The following SLC60A2 variants were observed in gnomAD, a reference collection of about 807,000 sequenced individuals.
SLC60A2 encodes solute carrier family 60 member 2.
At chr6:111,269,701 G>A in the SLC60A2 span, 1 of 152,152 alleles carries the variant, frequency 6.6e-6, no homozygotes, top group East Asian at 1.9e-4. Flanking sequence ...GAAGGATGAT[G>A]ATAAGAACAT....
the SLC60A2 span, among the ~76,000 whole-genome samples, chr6:111,275,613 T>G: frequency 2.0e-5 from 3 of 152,082 alleles, no homozygotes; most frequent in Admixed American, 2.0e-4. Flanking sequence ...TTTCACAATG[T>G]TGGTCAGGCT....
At chr6:111,264,536 T>A in the SLC60A2 span, among the ~76,000 whole-genome samples, 1 of 152,044 alleles carries the variant, frequency 6.6e-6, no homozygotes, top group East Asian at 1.9e-4. Context: ...ACACCTGTAA[T>A]CCAGCACTTT....
the SLC60A2 span, among the ~76,000 whole-genome samples, chr6:111,260,125 G>C: frequency 1.8e-4 from 28 of 152,184 alleles, no homozygotes; most frequent in Non-Finnish European, 3.8e-4. Flanking sequence ...TGGCCAGGCT[G>C]GTTTCAAACT....
At chr6:111,279,441 G>A in the SLC60A2 span, among the ~76,000 whole-genome samples, 1 of 151,674 alleles carries the variant, frequency 6.6e-6, no homozygotes, top group East Asian at 1.9e-4. Context: ...GTAGAGACGG[G>A]GTTTCACCAC....
chr6:111,274,616 CTG>C, the SLC60A2 span, among the ~76,000 whole-genome samples: 2 of 152,126 alleles, frequency 1.3e-5, no homozygotes, highest in South Asian at 4.1e-4. Context: ...ATGTTTATCA[CTG>C]TGATTTTGTG....
At chr6:111,276,797 C>T in the SLC60A2 span, among the ~76,000 whole-genome samples, 1 of 152,236 alleles carries the variant, frequency 6.6e-6, no homozygotes, top group Non-Finnish European at 1.5e-5. Flanking sequence ...TCTCTCACAG[C>T]AGTTCTGCCC....
the SLC60A2 span, chr6:111,262,404 A>G: frequency 6.2e-7 from 1 of 1,613,108 alleles, no homozygotes; most frequent in Admixed American, 1.7e-5. Flanking sequence ...TGTCGATGTC[A>G]TGAATTATTT....
the SLC60A2 span, chr6:111,267,459 G>C: frequency 5.4e-6 from 1 of 185,996 alleles, no homozygotes; most frequent in South Asian, 1.6e-4. Context: ...TGTAGGAGTT[G>C]AATTGATTGG....
chr6:111,266,823 A>C, the SLC60A2 span: 1 of 1,613,946 alleles, frequency 6.2e-7, no homozygotes, highest in African/African-American at 1.3e-5. Flanking sequence ...AGAAGACAGA[A>C]AGAGTGAGGA....
the SLC60A2 span, among the ~76,000 whole-genome samples, chr6:111,260,788 G>A: frequency 6.6e-6 from 1 of 152,172 alleles, no homozygotes. Context: ...TTGGTGAGTC[G>A]TCACTGACTT....
the SLC60A2 span, chr6:111,265,242 A>T: frequency 1.1e-6 from 1 of 948,938 alleles, no homozygotes; most frequent in Non-Finnish European, 1.3e-6. Flanking sequence ...GGGTAGAATT[A>T]TATATTTATC....
At chr6:111,259,911 C>CTTTTTTTT in the SLC60A2 span, among the ~76,000 whole-genome samples, 1 of 121,186 alleles carries the variant, frequency 8.3e-6, no homozygotes, top group African/African-American at 3.2e-5. Flanking sequence ...CTCCAGCAAG[C>CTTTTTTTT]TTTTTTTTTT....
At chr6:111,279,499 C>T in the SLC60A2 span, among the ~76,000 whole-genome samples, 1 of 152,020 alleles carries the variant, frequency 6.6e-6, no homozygotes, top group Non-Finnish European at 1.5e-5. Context: ...CCGCCCACCT[C>T]GGCCTCCCAA....
the SLC60A2 span, chr6:111,262,163 G>A: frequency 8.1e-6 from 8 of 987,714 alleles, no homozygotes; most frequent in African/African-American, 3.3e-5. Flanking sequence ...CAGACCCTCC[G>A]CCCCCCTTTT....
chr6:111,266,714 T>A, the SLC60A2 span: 1 of 1,614,234 alleles, frequency 6.2e-7, no homozygotes. Flanking sequence ...CTGATTTGCC[T>A]GTAGTTCTGT....
At chr6:111,269,591 C>T in the SLC60A2 span, 1 of 152,164 alleles carries the variant, frequency 6.6e-6, no homozygotes, top group African/African-American at 2.4e-5. Flanking sequence ...TTGTTGGAAT[C>T]TAGGCAGTAG....
chr6:111,272,586 AC>A, the SLC60A2 span, among the ~76,000 whole-genome samples: 1 of 145,764 alleles, frequency 6.9e-6, no homozygotes, highest in Admixed American at 7.2e-5. Context: ...ATCTCTGCTC[AC>A]TGCAACCTCT....
the SLC60A2 span, chr6:111,259,444 C>G: frequency 1.7e-5 from 7 of 414,188 alleles, no homozygotes; most frequent in Admixed American, 4.4e-5. Context: ...GAGGGACACC[C>G]GTGCCTGGGG....
chr6:111,259,648 T>G, the SLC60A2 span: 1 of 1,555,964 alleles, frequency 6.4e-7, no homozygotes, highest in Non-Finnish European at 8.7e-7. Flanking sequence ...GTGGTGGTGG[T>G]CTCCTGGCAG....
Sources: allele counts gnomAD v4.1 joint callset (sites outside exome capture counted in the v4.1 genomes callset), GRCh38; gene constraint gnomAD v4.1.1; transcripts MANE v1.5; gene names NCBI Gene and HGNC (gene_info 2026-07-23, HGNC 2026-07-21).